The following ENO1 variants were observed in gnomAD, a reference collection of about 807,000 sequenced individuals.
ENO1 encodes enolase 1.
Under a neutral mutation model 46.3 loss-of-function variants are expected in ENO1, and 33 were observed. The observed-to-expected ratio is 0.71, with a 90% CI of 0.54 to 0.95. The LOEUF (loss-of-function observed/expected upper bound fraction) is 0.95. Ranked by LOEUF, ENO1 falls within the 40% of genes least tolerant of loss-of-function variation. The probability of loss-of-function intolerance (pLI) is 0.00; values close to 1 mark genes in which losing one functional copy is unlikely to be tolerated. For missense variants in ENO1, 488 were observed against 553.3 expected (o/e 0.88, Z 1.18); for synonymous variants, 220 against 216.0 (o/e 1.02, Z -0.16).
chr1:8,870,674 C>T, intron 3 of ENO1, 164 bp from the exon 4 acceptor site: 2 of 1,477,228 alleles, frequency 1.4e-6, no homozygotes, highest in Non-Finnish European at 1.8e-6. Flanking sequence ...GGAGGACTTT[C>T]CGGCCCAGTC....
chr1:8,866,073 T>C (rs1207911080), intron 7 of ENO1: 4 of 437,020 alleles, frequency 9.2e-6, no homozygotes, highest in Admixed American at 1.0e-4. Flanking sequence ...AGAGACTCCA[T>C]CTCAAAAAAA....
At chr1:8,870,301 T>C (rs568298252) in intron 4 of ENO1, 151 bp downstream of exon 4, 17 of 955,672 alleles carry the variant, frequency 1.8e-5, no homozygotes, top group African/African-American at 1.6e-4. Flanking sequence ...GTTAGAATTA[T>C]GTCATGCATG....
intron 8 of ENO1, 92 bp downstream of exon 8, chr1:8,865,193 T>G (rs1291793413): frequency 1.3e-6 from 2 of 1,496,072 alleles, no homozygotes; most frequent in African/African-American, 2.8e-5. Context: ...CCCCATCCCC[T>G]CCTTGCAGCC....
intron 1 of ENO1, 92 bp downstream of exon 1, chr1:8,878,488 G>A (rs1642784297): frequency 1.5e-5 from 6 of 387,768 alleles, no homozygotes; most frequent in South Asian, 5.5e-5. Flanking sequence ...GGGCCTGCGG[G>A]CGCGCCGCCT....
rs28931276 is a variant in ENO1 at position 8,871,705 on chromosome 1, G to A, written c.181+186C>T. ...CAGAGCATGCAGGCTCGGGAACCCC[G>A]GAATCCACACACCAACTTTCCTGTC... On this transcript the variant is annotated intron_variant, in intron 3 of 11. Coordinates refer to ENST00000234590, the MANE Select transcript of ENO1 (RefSeq NM_001428.5). 7.9e-3 allele frequency: 10,288 copies of A among 1,299,202 alleles called. 647 individuals are homozygous for A. The African/African-American group carries it at 0.14, about 17-fold the overall frequency. The allele number at this position is 1,299,202 out of a possible 1,614,324, so 80.5% of individuals were successfully genotyped here. A position where few individuals can be genotyped will look rare whatever the true frequency, so the allele number is the denominator to read the frequency against.
chr1:8,862,765 G>A (rs1313088754), intron 11 of ENO1, 122 bp downstream of exon 11: 5 of 1,134,532 alleles, frequency 4.4e-6, no homozygotes, highest in Non-Finnish European at 6.3e-6. Flanking sequence ...TGTCTGCACT[G>A]TGCACCTGCA....
chr1:8,878,467 C>T (rs1314367451), intron 1 of ENO1, 113 bp downstream of exon 1: 1 of 368,546 alleles, frequency 2.7e-6, no homozygotes, highest in Non-Finnish European at 5.4e-6. Context: ...TGCCCCCGAC[C>T]CCGCCACGCT....
At chr1:8,867,510 C>T (rs1642545319) in intron 5 of ENO1, among the ~76,000 whole-genome samples, 1 of 152,154 alleles carries the variant, frequency 6.6e-6, no homozygotes, top group South Asian at 2.1e-4. Flanking sequence ...ACCAAACTGA[C>T]AGGCTATTGT....
chr1:8,861,525 G>T, intron 11 of ENO1, 96 bp from the exon 12 acceptor site: 2 of 1,259,056 alleles, frequency 1.6e-6, no homozygotes, highest in Non-Finnish European at 2.3e-6. Flanking sequence ...CAAAGACACA[G>T]CCCCACTCCT....
intron 5 of ENO1, 49 bp downstream of exon 5, chr1:8,867,938 AG>A (rs1557582687): frequency 6.5e-7 from 1 of 1,534,210 alleles, no homozygotes; most frequent in Admixed American, 1.7e-5. Context: ...TAAAATCTTC[AG>A]GAGACTTCAT....
In ENO1 at chr1:8,861,333, TGACCGAAGG is replaced by T. The variant is rs1642397109; in HGVS notation, c.*18_*26del. On this transcript the variant is annotated 3_prime_UTR_variant, in exon 12 of 12. Coordinates refer to ENST00000234590, the MANE Select transcript of ENO1 (RefSeq NM_001428.5). Reference sequence around the variant, plus strand: ...GGGAGGGGTCTGTGTAGCCAACAGGTGACCGAAGGGCTTGCCTGCCCACAGCTTACTTGG... The same window carrying T: ...GGGAGGGGTCTGTGTAGCCAACAGGTGCTTGCCTGCCCACAGCTTACTTGG... The T allele has an allele frequency of 1.2e-6, 2 of 1,612,780 alleles. No individual in the cohort carries two copies. The highest frequency in any genetic ancestry group is 8.5e-7 in the Non-Finnish European group (1 of 1,179,808).
chr1:8,866,785 G>C (rs951105308), intron 6 of ENO1, among the ~76,000 whole-genome samples: 1 of 152,216 alleles, frequency 6.6e-6, no homozygotes, highest in African/African-American at 2.4e-5. Flanking sequence ...GGGACTACAG[G>C]TGTGCGCTAC....
intron 11 of ENO1, 89 bp downstream of exon 11, chr1:8,862,798 G>A: frequency 6.9e-7 from 1 of 1,439,976 alleles, no homozygotes. Context: ...CCCAGAGCCA[G>A]GAGCTCCTGG....
chr1:8,870,330 C>A (rs1451176767), intron 4 of ENO1, 122 bp downstream of exon 4: 27 of 1,275,328 alleles, frequency 2.1e-5, no homozygotes, highest in Non-Finnish European at 2.9e-5. Flanking sequence ...TCGTGCGTGA[C>A]AGGGAATCCA....
At chr1:8,863,749 G>T in intron 9 of ENO1, 142 bp downstream of exon 9, 1 of 972,456 alleles carries the variant, frequency 1.0e-6, no homozygotes. Flanking sequence ...AAAGGCTCCT[G>T]AGTTCAAACA....
At chr1:8,871,172 C>CCCAGCA in intron 3 of ENO1, 1 of 1,094,256 alleles carries the variant, frequency 9.1e-7, no homozygotes, top group Non-Finnish European at 1.1e-6. Context: ...GGACTGAACA[C>CCCAGCA]CCAGCACCAC....
In ENO1 at chr1:8,871,988, T is replaced by A; in HGVS notation, c.86-2A>T. On this transcript the variant is annotated splice_acceptor_variant, in intron 2 of 11. Coordinates refer to ENST00000234590, the MANE Select transcript of ENO1 (RefSeq NM_001428.5). LOFTEE classifies it high-confidence loss of function. Reference sequence around the variant, plus strand: ...TGGGCACAGCAGCTCTGAAGAGACCTGGATGAGAGGAAAAAAGATGTAGTA... The same window carrying A: ...TGGGCACAGCAGCTCTGAAGAGACCAGGATGAGAGGAAAAAAGATGTAGTA... The A allele has an allele frequency of 6.2e-7, 1 of 1,613,596 alleles. No individual in the cohort carries two copies.
Position 8,865,485 on chromosome 1 carries a change from G to A in ENO1, c.668-3C>T, listed in dbSNP as rs111542973. 1.2e-6 allele frequency: 2 copies of A among 1,612,530 alleles called. No individual in the cohort carries two copies. Among genetic ancestry groups the A allele is most frequent in the Non-Finnish European group, 1.7e-6 (2 of 1,179,936 alleles). Reference sequence around the variant, plus strand: ...AGCAGTCTTCAGCAGCTCCAGGCCTGGGAAGAGATGGTGACAACAGGTTTG... The same window carrying A: ...AGCAGTCTTCAGCAGCTCCAGGCCTAGGAAGAGATGGTGACAACAGGTTTG... On this transcript the variant is annotated splice_region_variant and splice_polypyrimidine_tract_variant and intron_variant, in intron 7 of 11. Transcript: ENST00000234590.
rs543803282 is a variant in ENO1, at chr1:8,874,150, C to CT, written c.85+673_85+674insA. On this transcript the variant is annotated intron_variant, in intron 2 of 11. Transcript: ENST00000234590. ...GAGATACCATCCTATCACACTGTAT[C>CT]CTGCATTTGGTCACAGCAAGCTGTC... Among the ~76,000 whole-genome samples, 441 of 152,304 alleles carry CT rather than the reference C, an allele frequency of 2.9e-3. 4 individuals carry two copies. Among genetic ancestry groups the CT allele is most frequent in the African/African-American group, 8.4e-3 (350 of 41,570 alleles).
Sources: allele counts gnomAD v4.1 joint callset (sites outside exome capture counted in the v4.1 genomes callset), GRCh38; gene constraint gnomAD v4.1.1; transcripts MANE v1.5; gene names NCBI Gene and HGNC (gene_info 2026-07-23, HGNC 2026-07-21).